Variants in GALNT5 observed in about 807,000 individuals in gnomAD.
The protein encoded by GALNT5 is polypeptide N-acetylgalactosaminyltransferase 5, also known as UDP-GalNAc:polypeptide N-acetylgalactosaminyltransferase 5.
A neutral mutation model predicts 85.4 loss-of-function variants in GALNT5; 72 were observed. That is an observed-to-expected ratio of 0.84 (90% CI 0.70 to 1.03). The LOEUF (loss-of-function observed/expected upper bound fraction) is 1.03, where lower values mean the gene tolerates loss of function less well. Among genes scored for constraint, GALNT5 ranks in the 50% least tolerant of loss-of-function variants. GALNT5 has a pLI of 0.00. For missense variants in GALNT5, 1,137 were observed against 1,135.5 expected, an observed-to-expected ratio of 1.00 and a Z score of -0.02; for synonymous variants, 404 against 397.0, an observed-to-expected ratio of 1.02 and a Z score of -0.21.
chr2:157,259,400 C>T lies in GALNT5; in HGVS notation c.1318C>T (p.Gln440Ter). 6.7e-7 allele frequency: 1 copy of T among 1,501,114 alleles called. No individual in the cohort carries two copies. The highest frequency in any genetic ancestry group is 1.5e-5 in the South Asian group (1 of 68,802). 93.0% of individuals were successfully genotyped at this position (1,501,114 alleles called of 1,614,324 possible). A position where few individuals can be genotyped will look rare whatever the true frequency, so the allele number is the denominator to read the frequency against. The change falls in exon 1 of 10, where the codon CAG becomes TAG. Residue 440 changes from glutamine to a stop codon, truncating the protein, a stop_gained. Transcript: ENST00000259056. LOFTEE classifies it high-confidence loss of function. The stretch of plus-strand genomic sequence containing the variant: ...TCCAAGGGACCCCAAAGCTCCAGGG[C>T]AGTTTGGGCGTCCTGTAGTTGTCCC... ...LSPRDPKAPGQFGRPVVVPHG... is the reference protein window; with the variant it reads ...LSPRDPKAPG
chr2:157,298,988 C>CTCCTCTATCAGGGATGGTCG (rs1683279468), intron 5 of GALNT5: 1 of 152,666 alleles, frequency 6.6e-6, no homozygotes, highest in Non-Finnish European at 1.5e-5. Context: ...AAGACCGGCC[C>CTCCTCTATCAGGGATGGTCG]TCCTCTATCA....
chr2:157,303,866 G>A (rs544590438), intron 7 of GALNT5, among the ~76,000 whole-genome samples: 17 of 152,286 alleles, frequency 1.1e-4, no homozygotes, highest in African/African-American at 3.8e-4. Context: ...ACACTGTCCT[G>A]ACCAATGTTA....
chr2:157,301,889 A>G (rs937149513), intron 7 of GALNT5, among the ~76,000 whole-genome samples: 8 of 152,226 alleles, frequency 5.3e-5, no homozygotes, highest in African/African-American at 1.7e-4. Flanking sequence ...TAAGCCAGAT[A>G]AGGTAGCCAG....
In GALNT5 at chr2:157,311,686, C is replaced by T. The variant is rs962334532; in HGVS notation, c.*338C>T. 2.3e-5 allele frequency: 4 copies of T among 170,916 alleles called. No homozygotes were observed. Among genetic ancestry groups the T allele is most frequent in the African/African-American group, 7.2e-5 (3 of 41,866 alleles). 10.6% of individuals were successfully genotyped at this position (170,916 alleles called of 1,614,324 possible). A position where few individuals can be genotyped will look rare whatever the true frequency, so the allele number is the denominator to read the frequency against. ...GAAAGCATGAGGATATTCCCAATGA[C>T]TATGTTTGGTAATAATCAGCTCTTC... On this transcript the variant is annotated 3_prime_UTR_variant, in exon 10 of 10. Transcript: ENST00000259056.
intron 1 of GALNT5, among the ~76,000 whole-genome samples, chr2:157,261,745 T>C (rs1401008868): frequency 6.6e-6 from 1 of 152,218 alleles, no homozygotes; most frequent in Non-Finnish European, 1.5e-5. Context: ...TATGTATTCA[T>C]ATAGATAAAG....
chr2:157,273,908 T>C (rs575301768), intron 1 of GALNT5, among the ~76,000 whole-genome samples: 6 of 152,130 alleles, frequency 3.9e-5, no homozygotes, highest in South Asian at 4.1e-4. Context: ...ATGTGCCATG[T>C]TGGTTTGCTG....
chr2:157,268,045 G>C (rs6754250), intron 1 of GALNT5, among the ~76,000 whole-genome samples: 1 of 152,152 alleles, frequency 6.6e-6, no homozygotes, highest in African/African-American at 2.4e-5. Context: ...TGCTTGGGGA[G>C]TGAAGGCCCC....
chr2:157,275,974 T>C (rs1682714558), intron 1 of GALNT5, among the ~76,000 whole-genome samples: 1 of 152,196 alleles, frequency 6.6e-6, no homozygotes, highest in South Asian at 2.1e-4. Flanking sequence ...AAATAGCTCT[T>C]ATTATTTTGA....
chr2:157,271,003 C>G (rs1682570192), intron 1 of GALNT5, among the ~76,000 whole-genome samples: 1 of 151,984 alleles, frequency 6.6e-6, no homozygotes, highest in Non-Finnish European at 1.5e-5. Context: ...GTAGTCCCAG[C>G]TACTCAGGAG....
In GALNT5 at chr2:157,313,917, C is replaced by T. The variant is rs1039883335; in HGVS notation, c.*2569C>T. The T allele has an allele frequency of 6.6e-6, 1 of 152,126 alleles. No individual in the cohort carries two copies. The highest frequency in any genetic ancestry group is 1.5e-5 in the Non-Finnish European group (1 of 68,008). The allele number at this position is 152,126 out of a possible 1,614,324, so 9.4% of individuals were successfully genotyped here. A position where few individuals can be genotyped will look rare whatever the true frequency, so the allele number is the denominator to read the frequency against. On this transcript the variant is annotated 3_prime_UTR_variant, in exon 10 of 10. Coordinates refer to ENST00000259056, the MANE Select transcript of GALNT5 (RefSeq NM_014568.3). Reference sequence around the variant, plus strand: ...TACATTGCTTTTCATCATATATTTGCTCAGTTACTCTAAGAAGCAAGGAAC... The same window carrying T: ...TACATTGCTTTTCATCATATATTTGTTCAGTTACTCTAAGAAGCAAGGAAC...
chr2:157,308,958 A>G (rs1375384768), intron 9 of GALNT5, among the ~76,000 whole-genome samples: 2 of 152,082 alleles, frequency 1.3e-5, no homozygotes, highest in Admixed American at 1.3e-4. Flanking sequence ...AATAGAAATC[A>G]CCAAGTTCTT....
intron 1 of GALNT5, among the ~76,000 whole-genome samples, chr2:157,279,752 TC>T (rs1264450892): frequency 6.6e-6 from 1 of 152,194 alleles, no homozygotes; most frequent in Non-Finnish European, 1.5e-5. Context: ...GAAAGGGAAA[TC>T]CCCAGACCTT....
At chr2:157,292,998 G>C (rs181439137) in intron 3 of GALNT5, among the ~76,000 whole-genome samples, 11 of 152,180 alleles carry the variant, frequency 7.2e-5, no homozygotes, top group Admixed American at 2.6e-4. Flanking sequence ...CACCACACCC[G>C]GCCAGGAATC....
In GALNT5 at chr2:157,308,677, C is replaced by T. The variant is rs376027761; in HGVS notation, c.2631C>T (p.Asn877=). 20 of 1,613,618 alleles carry T rather than the reference C, an allele frequency of 1.2e-5. No homozygotes were observed. In the South Asian group the frequency reaches 1.6e-4, roughly 13 times the overall value. The stretch of plus-strand genomic sequence containing the variant: ...GGCTGCACCCTTGTGATAACAGAAA[C>T]AAAGGGCTAAAATGGCTGCATAAAT... ...AVRLHPCDNR[N]KGLKWLHKST... The change falls in exon 9 of 10, where the codon AAC becomes AAT. Residue 877 remains asparagine, a synonymous_variant. Coordinates refer to ENST00000259056, the MANE Select transcript of GALNT5 (RefSeq NM_014568.3).
In GALNT5 at chr2:157,311,211, A is replaced by G. The variant is rs746598468; in HGVS notation, c.2686A>G (p.Asn896Asp). The change falls in exon 10 of 10, where the codon AAT (asparagine) becomes GAT (aspartate). Residue 896 changes from asparagine to aspartate, a missense_variant. By Grantham distance (23) the Asn-to-Asp change is conservative. Transcript: ENST00000259056. The stretch of plus-strand genomic sequence containing the variant: ...CCCAGCTCTTCTTTCTCTCCAGGTG[A>G]ATCACATTGTTTTTGAAAACAATCA... ...STSVFHPELV[N>D]HIVFENNQQL... 10 of 1,609,218 alleles carry G rather than the reference A, an allele frequency of 6.2e-6. No homozygotes were observed. The highest frequency in any genetic ancestry group is 3.3e-4 in the Middle Eastern group (2 of 6,060).
rs539112550 is a variant in GALNT5 at position 157,258,228 on chromosome 2, T to C, written c.146T>C (p.Ile49Thr). 290 of 1,613,472 alleles carry C rather than the reference T, an allele frequency of 1.8e-4. 4 individuals carry two copies. The South Asian group carries it at 2.9e-3, about 16-fold the overall frequency. Residue 49 changes from isoleucine to threonine, a missense_variant, in exon 1 of 10, where the codon ATT (isoleucine) becomes ACT (threonine). Ile to Thr is a moderately conservative substitution (Grantham distance 89). Transcript: ENST00000259056. ...AACACTCGGGTCATCAAGGAAGACATTGTGAGGAGGGAGCGGATAGGATTC... is the reference window on the plus strand; with the variant it reads ...AACACTCGGGTCATCAAGGAAGACACTGTGAGGAGGGAGCGGATAGGATTC... ...EINTRVIKED[I>T]VRRERIGFRV...
chr2:157,297,550 C>T (rs1306779810), intron 5 of GALNT5, among the ~76,000 whole-genome samples: 1 of 152,258 alleles, frequency 6.6e-6, no homozygotes, highest in African/African-American at 2.4e-5. Flanking sequence ...TAAAGAACCT[C>T]TGCTCTTTCC....
intron 1 of GALNT5, among the ~76,000 whole-genome samples, chr2:157,274,360 T>G (rs1186938864): frequency 6.6e-6 from 1 of 152,142 alleles, no homozygotes; most frequent in South Asian, 2.1e-4. Context: ...CTGGTATTTC[T>G]ATGGGAATGG....
At chr2:157,291,507 A>G (rs1042155305) in intron 3 of GALNT5, among the ~76,000 whole-genome samples, 1 of 152,224 alleles carries the variant, frequency 6.6e-6, no homozygotes, top group East Asian at 1.9e-4. Flanking sequence ...AATCCTAGAC[A>G]TAACCATCTA....
Sources: allele counts gnomAD v4.1 joint callset (sites outside exome capture counted in the v4.1 genomes callset), GRCh38; gene constraint gnomAD v4.1.1; transcripts MANE v1.5; gene names NCBI Gene and HGNC (gene_info 2026-07-23, HGNC 2026-07-21).